The following DNMT3A variants were observed in gnomAD, a reference collection of about 807,000 sequenced individuals.
The protein encoded by DNMT3A is DNA methyltransferase 3 alpha.
DNMT3A carries 267 observed loss-of-function variants against 117.6 expected under a neutral mutation model. The ratio of observed to expected loss-of-function variants is 2.27; its 90% CI spans 2.05 to 2.51. The LOEUF is 2.51. Ranked by LOEUF, DNMT3A falls within the 30% of genes most tolerant of loss-of-function variation. The pLI is 0.00. For synonymous variants in DNMT3A, 432 were observed against 474.8 expected, an observed-to-expected ratio of 0.91 and a Z score of 1.17; for missense variants, 1,029 against 1,260.2, an observed-to-expected ratio of 0.82 and a Z score of 2.78.
chr2:25,274,201 C>T (rs1170597471), intron 6 of DNMT3A, among the ~76,000 whole-genome samples: 6 of 152,202 alleles, frequency 3.9e-5, no homozygotes, highest in Non-Finnish European at 1.5e-5. Flanking sequence ...TGTGAGTCCT[C>T]CTTGAGTCCA....
intron 3 of DNMT3A, among the ~76,000 whole-genome samples, chr2:25,295,543 C>T (rs2033038402): frequency 6.6e-6 from 1 of 152,234 alleles, no homozygotes; most frequent in Non-Finnish European, 1.5e-5. Context: ...TCTTTGTATG[C>T]TTTTTGGACC....
At chr2:25,332,616 C>T (rs948005621) in intron 1 of DNMT3A, among the ~76,000 whole-genome samples, 9 of 152,196 alleles carry the variant, frequency 5.9e-5, no homozygotes, top group South Asian at 4.1e-4. Context: ...CCTGCCAACT[C>T]GGGGGCCAGC....
intron 5 of DNMT3A, 23 bp downstream of exon 5, chr2:25,275,477 G>T: frequency 6.3e-7 from 1 of 1,589,824 alleles, no homozygotes; most frequent in Non-Finnish European, 8.5e-7. Flanking sequence ...GATCCACAGA[G>T]CCCCTGGGGG....
intron 4 of DNMT3A, among the ~76,000 whole-genome samples, chr2:25,277,393 C>A (rs2031516851): frequency 6.6e-6 from 1 of 152,180 alleles, no homozygotes; most frequent in Non-Finnish European, 1.5e-5. Flanking sequence ...AGGCCCCGGG[C>A]TCCCAGCAGG....
Position 25,239,205 on chromosome 2 carries a change from AC to A in DNMT3A, c.2332del (p.Val778Ter). The A allele has an allele frequency of 6.2e-7, 1 of 1,613,852 alleles. No individual in the cohort carries two copies. The highest frequency in any genetic ancestry group is 8.5e-7 in the Non-Finnish European group (1 of 1,179,860). On this transcript the variant is annotated frameshift_variant, in exon 20 of 23. Coordinates refer to ENST00000321117, the MANE Select transcript of DNMT3A (RefSeq NM_022552.5). LOFTEE classifies it high-confidence loss of function. ...TGACACTTCTTTGGCATCAATCATC[AC>A]AGGGTTGGACTACAAAACAGGAGAC... Reference protein sequence around the residue: ...DISRFLESNPVMIDAKEVSAA... With the variant: ...DISRFLESNPXMIDAKEVSAA...
chr2:25,314,027 G>T lies in DNMT3A; in HGVS notation c.-43C>A. 1 of 1,493,586 alleles carries T rather than the reference G, an allele frequency of 6.7e-7. No individual in the cohort carries two copies. The highest frequency in any genetic ancestry group is 8.9e-7 in the Non-Finnish European group (1 of 1,122,622). The allele number at this position is 1,493,586 out of a possible 1,614,324, so 92.5% of individuals were successfully genotyped here. ...GGCTGGGGCTGCGCGGGGCTGGGGG[G>T]CTGCTGGGCTTTGGGGAAGGAATTA... On this transcript the variant is annotated 5_prime_UTR_variant, in exon 2 of 23. Transcript: ENST00000321117.
chr2:25,313,530 C>A (rs1186902824), intron 2 of DNMT3A, among the ~76,000 whole-genome samples: 1 of 152,184 alleles, frequency 6.6e-6, no homozygotes, highest in East Asian at 1.9e-4. Context: ...CTTAAGGAAA[C>A]AGAGGCAGCT....
intron 6 of DNMT3A, among the ~76,000 whole-genome samples, chr2:25,269,083 A>C (rs1458323633): frequency 1.3e-5 from 2 of 152,252 alleles, no homozygotes; most frequent in African/African-American, 4.8e-5. Context: ...GTACTTTGGG[A>C]GGCCAAAGCA....
In DNMT3A at chr2:25,286,020, G is replaced by A. The variant is rs944965912; in HGVS notation, c.178-3309C>T. 4.6e-5 allele frequency among the ~76,000 whole-genome samples: 7 copies of A among 152,210 alleles called. No homozygotes were observed. Among genetic ancestry groups the A allele is most frequent in the Admixed American group, 3.3e-4 (5 of 15,286 alleles). On this transcript the variant is annotated intron_variant, in intron 3 of 22. Transcript: ENST00000321117. This position sits in a 1 kb window ranked among gnomAD's most constrained non-coding sequence, Gnocchi z 4.3. ...CAGAGCCAGACTTTTTCATGGCTGCGTCTTCCTTTCTTCTCATCATTTGCT... is the reference window on the plus strand; with the variant it reads ...CAGAGCCAGACTTTTTCATGGCTGCATCTTCCTTTCTTCTCATCATTTGCT...
In DNMT3A at chr2:25,339,571, C is replaced by T. The variant is rs751706269; in HGVS notation, c.-178+2255G>A. Among the ~76,000 whole-genome samples the T allele has an allele frequency of 6.6e-6, 1 of 152,184 alleles. No individual in the cohort carries two copies. The highest frequency in any genetic ancestry group is 2.4e-5 in the African/African-American group (1 of 41,452). ...TGCACAGGCCAGCCTGGTCCCTCGC[C>T]TGGAGCCAGCACATGTGCACACACA... is the stretch of plus-strand genomic sequence containing the variant. On this transcript the variant is annotated intron_variant, in intron 1 of 22. Coordinates refer to ENST00000321117, the MANE Select transcript of DNMT3A (RefSeq NM_022552.5). The surrounding 1 kb of genome is among the most constrained non-coding windows in gnomAD (Gnocchi z 4.9).
intron 1 of DNMT3A, among the ~76,000 whole-genome samples, chr2:25,340,945 G>A (rs1312080289): frequency 1.5e-4 from 20 of 135,870 alleles, no homozygotes; most frequent in Non-Finnish European, 3.2e-4. Context: ...GGGCACCCAC[G>A]GCCCGCGGTG....
chr2:25,310,221 T>C (rs2034032770), intron 2 of DNMT3A, among the ~76,000 whole-genome samples: 1 of 152,030 alleles, frequency 6.6e-6, no homozygotes, highest in South Asian at 2.1e-4. Context: ...TATTTGGGGA[T>C]CTGAGGTGGC....
intron 3 of DNMT3A, among the ~76,000 whole-genome samples, chr2:25,297,671 C>T (rs1213646378): frequency 1.3e-5 from 2 of 152,098 alleles, no homozygotes; most frequent in South Asian, 2.1e-4. Context: ...CCATCATGCC[C>T]GGCTAATTTT....
At position 25,252,394 on chromosome 2, in the gene DNMT3A, C is replaced by T. The variant is rs1418089645; in HGVS notation, c.640-4142G>A. The T allele has an allele frequency of 1.8e-6, 1 of 557,162 alleles. No individual in the cohort carries two copies. The highest frequency in any genetic ancestry group is 2.0e-5 in the African/African-American group (1 of 50,142). 34.5% of individuals were successfully genotyped at this position (557,162 alleles called of 1,614,324 possible). A position where few individuals can be genotyped will look rare whatever the true frequency, so the allele number is the denominator to read the frequency against. ...GTCTAGGACTCCAGGTCACGTGGGCCCCGCTGGAGGGCCTGGTTGGCTGCG... is the reference window on the plus strand; with the variant it reads ...GTCTAGGACTCCAGGTCACGTGGGCTCCGCTGGAGGGCCTGGTTGGCTGCG... On this transcript the variant is annotated intron_variant, in intron 6 of 22. Transcript: ENST00000321117. This position sits in a 1 kb window ranked among gnomAD's most constrained non-coding sequence, Gnocchi z 5.5.
chr2:25,240,004 CAG>C (rs1461696956), intron 19 of DNMT3A, among the ~76,000 whole-genome samples: 4 of 152,196 alleles, frequency 2.6e-5, no homozygotes, highest in Non-Finnish European at 1.5e-5. Flanking sequence ...AAACACCATA[CAG>C]AATACCCAAC....
intron 1 of DNMT3A, among the ~76,000 whole-genome samples, chr2:25,335,416 G>A (rs550324193): frequency 1.3e-5 from 2 of 152,270 alleles, no homozygotes; most frequent in East Asian, 3.9e-4. Context: ...AGGGAGTGGC[G>A]GGGGAGGGAC....
In DNMT3A at chr2:25,305,932, T is replaced by C. The variant is rs1357314920; in HGVS notation, c.73-5689A>G. Among the ~76,000 whole-genome samples the C allele has an allele frequency of 6.6e-6, 1 of 152,236 alleles. No individual in the cohort carries two copies. Among genetic ancestry groups the C allele is most frequent in the Non-Finnish European group, 1.5e-5 (1 of 68,042 alleles). On this transcript the variant is annotated intron_variant, in intron 2 of 22. Transcript: ENST00000321117. This position sits in a 1 kb window ranked among gnomAD's most constrained non-coding sequence, Gnocchi z 4.1. ...ACTGACCCAGCATCGGTTGAGCAGA[T>C]GTCTCGAGTTGGTGCTTGAGTCGAG...
At chr2:25,241,176 T>C (rs1673983634) in intron 17 of DNMT3A, among the ~76,000 whole-genome samples, 1 of 152,166 alleles carries the variant, frequency 6.6e-6, no homozygotes, top group African/African-American at 2.4e-5. Flanking sequence ...CCAAAAGTAT[T>C]GGGAGGACAG....
At chr2:25,307,205 G>A (rs1286825679) in intron 2 of DNMT3A, among the ~76,000 whole-genome samples, 4 of 152,220 alleles carry the variant, frequency 2.6e-5, no homozygotes, top group African/African-American at 7.2e-5. Context: ...TATCCCTAAT[G>A]CCCTGTGGCT....
Sources: allele counts gnomAD v4.1 joint callset (sites outside exome capture counted in the v4.1 genomes callset), GRCh38; gene constraint gnomAD v4.1.1; non-coding constraint Gnocchi (gnomAD v3.1); transcripts MANE v1.5; gene names NCBI Gene and HGNC (gene_info 2026-07-23, HGNC 2026-07-21).